The following THAP6 variants were observed in gnomAD, a reference collection of about 807,000 sequenced individuals.
The protein encoded by THAP6 is THAP domain-containing protein 6.
THAP6 carries 13 observed loss-of-function variants against 20.0 expected under a neutral mutation model. That is an observed-to-expected ratio of 0.65 (90% CI 0.42 to 1.03). The LOEUF is 1.03. Among genes scored for constraint, THAP6 ranks in the 50% least tolerant of loss-of-function variants. The pLI is 0.00. For synonymous variants in THAP6, 93 were observed against 92.2 expected (o/e 1.01, Z -0.05); for missense variants, 262 against 261.6 (o/e 1.00, Z -0.01).
intron 3 of THAP6, chr4:75,542,976 G>GT (rs1727047958): frequency 6.5e-6 from 1 of 153,290 alleles, no homozygotes. Context: ...GCATAAACAG[G>GT]GCAGATGCAC....
chr4:75,527,878 C>A lies in THAP6; in HGVS notation c.*664C>A. On this transcript the variant is annotated 3_prime_UTR_variant, in exon 5 of 5. Coordinates refer to ENST00000311638, the MANE Select transcript of THAP6 (RefSeq NM_144721.6). The stretch of plus-strand genomic sequence containing the variant: ...CTCACTAGGAGCACTTTGATGTAAA[C>A]CAGAATAGCTTTAAAAAGACAAAAA... 6.1e-6 allele frequency: 6 copies of A among 985,286 alleles called. No individual in the cohort carries two copies. Among genetic ancestry groups the A allele is most frequent in the Non-Finnish European group, 7.2e-6 (6 of 829,896 alleles). 61.0% of individuals were successfully genotyped at this position (985,286 alleles called of 1,614,324 possible). A position where few individuals can be genotyped will look rare whatever the true frequency, so the allele number is the denominator to read the frequency against.
At chr4:75,543,716 A>C (rs1727063808) in intron 3 of THAP6, among the ~76,000 whole-genome samples, 2 of 152,348 alleles carry the variant, frequency 1.3e-5, no homozygotes, top group South Asian at 4.1e-4. Flanking sequence ...GAAGAACTGG[A>C]TAGGTACTGG....
At chr4:75,523,867 A>G (rs1365585598) in intron 4 of THAP6, among the ~76,000 whole-genome samples, 1 of 151,810 alleles carries the variant, frequency 6.6e-6, no homozygotes, top group Non-Finnish European at 1.5e-5. Flanking sequence ...AGTTTCCCCA[A>G]TGTTTTCTTG....
At chr4:75,533,506 G>T (rs1055702429), downstream of THAP6, among the ~76,000 whole-genome samples, 9 of 152,012 alleles carry the variant, frequency 5.9e-5, no homozygotes, top group East Asian at 1.9e-4. Context: ...ACATTTTCAG[G>T]TATCTTTCCA....
Position 75,527,498 on chromosome 4 carries a change from A to T in THAP6, c.*284A>T. The T allele has an allele frequency of 8.4e-7, 1 of 1,193,470 alleles. No individual in the cohort carries two copies. The highest frequency in any genetic ancestry group is 4.1e-5 in the East Asian group (1 of 24,188). The allele number at this position is 1,193,470 out of a possible 1,614,324, so 73.9% of individuals were successfully genotyped here. On this transcript the variant is annotated 3_prime_UTR_variant, in exon 5 of 5. Transcript: ENST00000311638. The stretch of plus-strand genomic sequence containing the variant: ...CAAGAAAATTTCACAGAGCTAAAGA[A>T]ATGATGTCAAATTAGTCACATTAAG...
Position 75,516,851 on chromosome 4 carries a change from G to C in THAP6, c.160G>C (p.Glu54Gln). The C allele has an allele frequency of 6.2e-7, 1 of 1,614,024 alleles. No individual in the cohort carries two copies. The highest frequency in any genetic ancestry group is 8.5e-7 in the Non-Finnish European group (1 of 1,180,004). Reference protein sequence around the residue: ...RLDVNAAGIWEPKKGDVLCSR... With the variant: ...RLDVNAAGIWQPKKGDVLCSR... ...TGATGTGAATGCAGCCGGCATTTGG[G>C]AGCCTAAAAAAGGAGATGTGTTGTG... The change falls in exon 3 of 5, where the codon GAG becomes CAG. Residue 54 changes from glutamate to glutamine, a missense_variant. By Grantham distance (29) the Glu-to-Gln change is conservative (BLOSUM62 2). Transcript: ENST00000311638.
upstream of THAP6, chr4:75,513,998 G>C (rs1020933836): frequency 4.2e-6 from 3 of 710,784 alleles, no homozygotes; most frequent in Non-Finnish European, 6.5e-6. Context: ...TTGCTTTAAA[G>C]GTACGAAGCA....
chr4:75,518,082 C>T (rs1725773842), intron 3 of THAP6, among the ~76,000 whole-genome samples: 3 of 152,170 alleles, frequency 2.0e-5, no homozygotes, highest in South Asian at 2.1e-4. Context: ...TCACTTTCTT[C>T]GGTGCTAATA....
chr4:75,538,843 G>A (rs747552200), intron 2 of THAP6, among the ~76,000 whole-genome samples: 2 of 152,156 alleles, frequency 1.3e-5, no homozygotes, highest in Non-Finnish European at 2.9e-5. Context: ...AGATTGAAAC[G>A]AATGAAGAAA....
chr4:75,541,020 C>T (rs1035695016), intron 2 of THAP6, among the ~76,000 whole-genome samples: 2 of 152,112 alleles, frequency 1.3e-5, no homozygotes, highest in Non-Finnish European at 2.9e-5. Context: ...TAACCAGAAA[C>T]AAGACATGGC....
chr4:75,532,408 C>T (rs1379736272), downstream of THAP6, among the ~76,000 whole-genome samples: 3 of 152,230 alleles, frequency 2.0e-5, no homozygotes, highest in Non-Finnish European at 4.4e-5. Flanking sequence ...CAGCCTCCCT[C>T]CTGGCTGCCT....
rs374054120 is a variant in THAP6, at chr4:75,516,893, A to G, written c.202A>G (p.Lys68Glu). The change falls in exon 3 of 5, where the codon AAG (lysine) becomes GAG (glutamate). Residue 68 changes from lysine to glutamate, a missense_variant. Lys to Glu is a moderately conservative substitution (Grantham distance 56). Coordinates refer to ENST00000311638, the MANE Select transcript of THAP6 (RefSeq NM_144721.6). The stretch of plus-strand genomic sequence containing the variant: ...TGTGTTGTGTTCGAGGCACTTTAAG[A>G]AGACAGATTTTGACAGAAGTGCTCC... ...GDVLCSRHFK[K>E]TDFDRSAPNI... 1.1e-4 allele frequency: 181 copies of G among 1,614,044 alleles called. No homozygotes were observed. The highest frequency in any genetic ancestry group is 1.5e-4 in the Non-Finnish European group (179 of 1,180,036).
intron 3 of THAP6, among the ~76,000 whole-genome samples, chr4:75,546,832 G>A (rs938467301): frequency 2.0e-5 from 3 of 152,084 alleles, no homozygotes; most frequent in Non-Finnish European, 4.4e-5. Context: ...ATTACAGAGG[G>A]CCATCCGTTT....
At chr4:75,514,320 T>A, upstream of THAP6, 1 of 1,590,900 alleles carries the variant, frequency 6.3e-7, no homozygotes, top group South Asian at 1.1e-5. Flanking sequence ...CACCGATCCT[T>A]CCCCCAGGAT....
intron 4 of THAP6, 43 bp downstream of exon 4, chr4:75,521,904 T>C (rs750389035): frequency 3.1e-6 from 5 of 1,611,758 alleles, no homozygotes; most frequent in Non-Finnish European, 8.5e-7. Flanking sequence ...TCTTTTAAGA[T>C]GAATATGTCC....
chr4:75,542,420 C>T (rs1031083331), exon 3 of THAP6: 10 of 701,946 alleles, frequency 1.4e-5, no homozygotes, highest in African/African-American at 7.0e-5. Context: ...TATCCATGTT[C>T]AAGAGGAAAT....
At chr4:75,518,957 G>T (rs1725838983) in intron 3 of THAP6, among the ~76,000 whole-genome samples, 1 of 152,148 alleles carries the variant, frequency 6.6e-6, no homozygotes, top group South Asian at 2.1e-4. Flanking sequence ...AAGAGTGCTT[G>T]TAAGTGTACA....
At chr4:75,536,059 T>A (rs1726843902) in intron 2 of THAP6, among the ~76,000 whole-genome samples, 1 of 152,222 alleles carries the variant, frequency 6.6e-6, no homozygotes, top group Non-Finnish European at 1.5e-5. Context: ...TCTCCCTGTT[T>A]CCAGTCTATC....
At chr4:75,514,883 C>T (rs1374147965) in intron 1 of THAP6, 2 of 156,934 alleles carry the variant, frequency 1.3e-5, no homozygotes, top group Non-Finnish European at 2.8e-5. Context: ...CCAGCTAAAC[C>T]GTGAGGACAA....
Sources: gnomAD v4.1 joint callset for allele counts (sites outside exome capture counted in the v4.1 genomes callset) on GRCh38, gnomAD v4.1.1 for gene constraint, MANE v1.5 for transcripts, NCBI Gene and HGNC (gene_info 2026-07-23, HGNC 2026-07-21) for gene names.